The following FOXN3 variants were observed in gnomAD, a reference collection of about 807,000 sequenced individuals.
FOXN3 encodes the protein forkhead box N3, also known as forkhead box protein N3.
Under a neutral mutation model 38.4 loss-of-function variants are expected in FOXN3, and 7 were observed. The observed-to-expected ratio is 0.18, with a 90% CI of 0.10 to 0.34. The LOEUF is 0.34. Ranked by LOEUF, FOXN3 falls within the 10% of genes least tolerant of loss-of-function variation. FOXN3 has a pLI of 1.00. For missense variants in FOXN3, 456 were observed against 613.4 expected (o/e 0.74, Z 2.71); for synonymous variants, 230 against 242.2 (o/e 0.95, Z 0.47).
intron 2 of FOXN3, among the ~76,000 whole-genome samples, chr14:89,407,005 A>C (rs1213810489): frequency 6.6e-6 from 1 of 152,086 alleles, no homozygotes; most frequent in Non-Finnish European, 1.5e-5. Context: ...AATGAAAAAA[A>C]AAAAAAAAAA....
intron 4 of FOXN3, among the ~76,000 whole-genome samples, chr14:89,230,226 TTTTCATTTC>T (rs1301113809): frequency 6.6e-6 from 1 of 152,210 alleles, no homozygotes; most frequent in Non-Finnish European, 1.5e-5. Flanking sequence ...ACACACACCC[TTTTCATTTC>T]TTTCATTTCT....
chr14:89,205,777 C>T (rs2139825127), intron 4 of FOXN3, among the ~76,000 whole-genome samples: 1 of 152,370 alleles, frequency 6.6e-6, no homozygotes, highest in African/African-American at 2.4e-5. Flanking sequence ...GCTTCGGGAG[C>T]TGTAAACACT....
chr14:89,563,159 G>A lies in FOXN3; in HGVS notation c.-15+55869C>T, dbSNP rs143426814. On this transcript the variant is annotated intron_variant, in intron 1 of 6. Coordinates refer to the FOXN3 transcript ENST00000345097. ...GAATTGACAATGCAGATGTCACAAC[G>A]ATGACAGCTAACTATTACTGATGAC... 7.6e-3 allele frequency among the ~76,000 whole-genome samples: 1,163 copies of A among 152,288 alleles called. 18 individuals carry two copies. Among genetic ancestry groups the A allele is most frequent in the African/African-American group, 0.027 (1,124 of 41,554 alleles).
intron 1 of FOXN3, among the ~76,000 whole-genome samples, chr14:89,586,591 T>C (rs1895847017): frequency 6.6e-6 from 1 of 152,238 alleles, no homozygotes; most frequent in Non-Finnish European, 1.5e-5. Context: ...AGTAGATTGA[T>C]GAAAAGGTAT....
rs572813620 is a variant in FOXN3 at position 89,497,234 on chromosome 14, C to A, written c.-14-84744G>T. On this transcript the variant is annotated intron_variant, in intron 1 of 6. Coordinates refer to the FOXN3 transcript ENST00000345097. Reference sequence around the variant, plus strand: ...GCTCCCGAAGTGCTGGGATTACAGGCGTGAGCCACCATGCCCAGCCAATTT... The same window carrying A: ...GCTCCCGAAGTGCTGGGATTACAGGAGTGAGCCACCATGCCCAGCCAATTT... Among the ~76,000 whole-genome samples, 17 of 152,178 alleles carry A rather than the reference C, an allele frequency of 1.1e-4. No homozygotes were observed. In the East Asian group the frequency reaches 1.9e-3, roughly 17 times the overall value.
At chr14:89,370,656 T>C (rs761807888) in intron 2 of FOXN3, among the ~76,000 whole-genome samples, 1 of 152,226 alleles carries the variant, frequency 6.6e-6, no homozygotes, top group Non-Finnish European at 1.5e-5. Context: ...GAGAAAGAAC[T>C]TTGGTTTGAT....
intron 3 of FOXN3, chr14:89,291,429 T>C: frequency 1.6e-6 from 1 of 611,098 alleles, no homozygotes. Context: ...TTGGCCACCA[T>C]GCTGTTCATC....
intron 3 of FOXN3, among the ~76,000 whole-genome samples, chr14:89,324,443 CGTGT>C (rs71130053): frequency 0.096 from 13,726 of 143,208 alleles, 642 homozygotes; most frequent in African/African-American, 0.14. Flanking sequence ...TAAGTGTGTG[CGTGT>C]GTGTGTGTGT....
At chr14:89,266,490 G>A (rs563133281) in intron 4 of FOXN3, among the ~76,000 whole-genome samples, 3 of 152,146 alleles carry the variant, frequency 2.0e-5, no homozygotes, top group African/African-American at 2.4e-5. Context: ...AGGCGGCTGG[G>A]GGGGCGGTGG....
chr14:89,280,705 G>T (rs555657871), intron 4 of FOXN3, among the ~76,000 whole-genome samples: 1 of 151,908 alleles, frequency 6.6e-6, no homozygotes, highest in Non-Finnish European at 1.5e-5. Flanking sequence ...CAGTGACGGC[G>T]GGCCAAAGAA....
chr14:89,564,024 T>C (rs899741636), intron 1 of FOXN3, among the ~76,000 whole-genome samples: 3 of 152,094 alleles, frequency 2.0e-5, no homozygotes, highest in Non-Finnish European at 2.9e-5. Context: ...TAAATTTGTT[T>C]GTATTTTTTT....
chr14:89,459,901 G>C (rs192053367), intron 1 of FOXN3, among the ~76,000 whole-genome samples: 11 of 152,126 alleles, frequency 7.2e-5, no homozygotes, highest in Non-Finnish European at 1.2e-4. Context: ...ACATATGTGC[G>C]TGGGATGATA....
chr14:89,192,619 TATATAATATA>T (rs1301899233), intron 4 of FOXN3, among the ~76,000 whole-genome samples: 4 of 136,478 alleles, frequency 2.9e-5, no homozygotes, highest in Non-Finnish European at 4.5e-5. Flanking sequence ...CTATATAAAC[TATATAATATA>T]AACTATATAA....
intron 3 of FOXN3, among the ~76,000 whole-genome samples, chr14:89,345,248 A>T (rs1305020473): frequency 1.3e-5 from 2 of 152,112 alleles, no homozygotes; most frequent in Admixed American, 1.3e-4. Flanking sequence ...CTCTTCACTA[A>T]AGTAGGTCAG....
intron 4 of FOXN3, among the ~76,000 whole-genome samples, chr14:89,242,639 T>C (rs924077098): frequency 5.9e-5 from 9 of 152,128 alleles, no homozygotes; most frequent in Non-Finnish European, 1.3e-4. Flanking sequence ...TCACGGGATA[T>C]GCAGCACTTA....
intron 4 of FOXN3, among the ~76,000 whole-genome samples, chr14:89,259,592 G>C (rs1885734347): frequency 6.6e-6 from 1 of 152,124 alleles, no homozygotes; most frequent in African/African-American, 2.4e-5. Context: ...AAAACCTCTA[G>C]GTATACAGCA....
chr14:89,575,546 T>C (rs1236295930), intron 1 of FOXN3, among the ~76,000 whole-genome samples: 2 of 152,176 alleles, frequency 1.3e-5, no homozygotes, highest in Non-Finnish European at 2.9e-5. Flanking sequence ...CTCATTGTTA[T>C]AGCCAAACAC....
chr14:89,447,254 A>G (rs548960234), intron 1 of FOXN3, among the ~76,000 whole-genome samples: 2 of 152,030 alleles, frequency 1.3e-5, no homozygotes, highest in South Asian at 4.2e-4. Flanking sequence ...GTCCAAGGGT[A>G]TTCCCGTTGT....
chr14:89,253,816 A>C (rs1410921643), intron 4 of FOXN3, among the ~76,000 whole-genome samples: 1 of 152,084 alleles, frequency 6.6e-6, no homozygotes. Context: ...GGACTTTCCA[A>C]TTCAGCTGCC....
Sources: gnomAD v4.1 joint callset for allele counts (sites outside exome capture counted in the v4.1 genomes callset) on GRCh38, gnomAD v4.1.1 for gene constraint, MANE v1.5 for transcripts, NCBI Gene and HGNC (gene_info 2026-07-23, HGNC 2026-07-21) for gene names.